Variants in SEL1L2 observed in about 807,000 individuals in gnomAD.
The protein encoded by SEL1L2 is protein sel-1 homolog 2.
A neutral mutation model predicts 98.8 loss-of-function variants in SEL1L2; 89 were observed. The observed-to-expected ratio is 0.90, with a 90% CI of 0.76 to 1.07. SEL1L2 has a LOEUF of 1.07. Among genes scored for constraint, SEL1L2 ranks in the 50% least tolerant of loss-of-function variants. The pLI is 0.00. For missense variants in SEL1L2, 788 were observed against 812.0 expected (o/e 0.97, Z 0.36); for synonymous variants, 262 against 278.5 (o/e 0.94, Z 0.59).
intron 5 of SEL1L2, among the ~76,000 whole-genome samples, chr20:13,899,561 G>A (rs2047574243): frequency 6.6e-6 from 1 of 152,174 alleles, no homozygotes; most frequent in Admixed American, 6.6e-5. Flanking sequence ...CCTGGCAGAG[G>A]GTGGAAGGGC....
chr20:13,866,474 T>C (rs1991051439), intron 15 of SEL1L2, among the ~76,000 whole-genome samples: 1 of 152,188 alleles, frequency 6.6e-6, no homozygotes, highest in Non-Finnish European at 1.5e-5. Context: ...CTGAACCTGA[T>C]GAAAAGCCAA....
At chr20:13,887,256 T>C (rs973583060) in intron 8 of SEL1L2, among the ~76,000 whole-genome samples, 10 of 152,168 alleles carry the variant, frequency 6.6e-5, no homozygotes, top group Admixed American at 6.5e-4. Context: ...TCAAAACTAG[T>C]TTTTTTCCTC....
At chr20:13,854,385 T>A (rs567117784) in intron 18 of SEL1L2, among the ~76,000 whole-genome samples, 1 of 152,346 alleles carries the variant, frequency 6.6e-6, no homozygotes, top group Admixed American at 6.5e-5. Flanking sequence ...TTGTCATATG[T>A]TTCTCGTACT....
intron 1 of SEL1L2, among the ~76,000 whole-genome samples, chr20:13,979,166 C>T (rs189347902): frequency 2.0e-4 from 31 of 152,214 alleles, no homozygotes; most frequent in African/African-American, 5.3e-4. Context: ...GAAAGACAAA[C>T]GCTGCATTTT....
chr20:13,957,361 C>T lies in SEL1L2; in HGVS notation c.59-1230G>A, dbSNP rs1268731039. Among the ~76,000 whole-genome samples, 3 of 152,336 alleles carry T rather than the reference C, an allele frequency of 2.0e-5. No homozygotes were observed. The East Asian group carries it at 5.8e-4, about 29-fold the overall frequency. On this transcript the variant is annotated intron_variant, in intron 1 of 19. Transcript: ENST00000284951. ...AGGTGATCTGCCTGCCTCAGCCTCC[C>T]AAAGTGCTGGGATTACAGGCGTGAG...
intron 1 of SEL1L2, among the ~76,000 whole-genome samples, chr20:13,964,666 G>T (rs2050957087): frequency 6.6e-6 from 1 of 151,908 alleles, no homozygotes; most frequent in Non-Finnish European, 1.5e-5. Flanking sequence ...TGGCCAGGCT[G>T]GTCTCAAGCT....
intron 1 of SEL1L2, among the ~76,000 whole-genome samples, chr20:13,966,879 C>CTTTTTTTTT (rs35292120): frequency 3.8e-5 from 4 of 104,136 alleles, no homozygotes; most frequent in Non-Finnish European, 7.2e-5. Flanking sequence ...AGAGACCTGT[C>CTTTTTTTTT]TTTTTTTTTT....
chr20:13,916,320 T>C (rs2048398281), intron 4 of SEL1L2, among the ~76,000 whole-genome samples: 1 of 152,188 alleles, frequency 6.6e-6, no homozygotes, highest in South Asian at 2.1e-4. Flanking sequence ...TATTCTCCTT[T>C]GGTCAGGAGG....
At chr20:13,927,250 G>T (rs951464362) in intron 3 of SEL1L2, among the ~76,000 whole-genome samples, 1 of 152,220 alleles carries the variant, frequency 6.6e-6, no homozygotes, top group Non-Finnish European at 1.5e-5. Context: ...TACAGAGAAT[G>T]CTAAATTTGG....
intron 5 of SEL1L2, among the ~76,000 whole-genome samples, chr20:13,910,259 T>C (rs1237215003): frequency 1.3e-5 from 2 of 152,182 alleles, no homozygotes; most frequent in Non-Finnish European, 2.9e-5. Flanking sequence ...GGGACTAAAA[T>C]TGTTACACAA....
At chr20:13,933,699 G>A (rs1004023221) in intron 2 of SEL1L2, among the ~76,000 whole-genome samples, 6 of 152,218 alleles carry the variant, frequency 3.9e-5, no homozygotes, top group Non-Finnish European at 5.9e-5. Flanking sequence ...TTCAACATGC[G>A]GATTCCAAGG....
chr20:13,986,985 A>C (rs1052270418), intron 1 of SEL1L2, among the ~76,000 whole-genome samples: 2 of 152,216 alleles, frequency 1.3e-5, no homozygotes, highest in Non-Finnish European at 2.9e-5. Flanking sequence ...GGTGCCCGCC[A>C]CAAGTCCAGC....
At chr20:13,993,146 G>T (rs1489609026), upstream of SEL1L2, among the ~76,000 whole-genome samples, 1 of 152,168 alleles carries the variant, frequency 6.6e-6, no homozygotes, top group African/African-American at 2.4e-5. Flanking sequence ...GGGCATGAAG[G>T]CCACTTAGGA....
chr20:13,985,753 G>A (rs769540088), intron 1 of SEL1L2, among the ~76,000 whole-genome samples: 2 of 152,004 alleles, frequency 1.3e-5, no homozygotes, highest in South Asian at 4.2e-4. Context: ...CACAATCACA[G>A]AACATTTTTC....
chr20:13,983,041 A>AAAAAAAAAAAAAAAAAAAAAAC (rs2051931039), intron 1 of SEL1L2, among the ~76,000 whole-genome samples: 1 of 143,056 alleles, frequency 7.0e-6, no homozygotes. Flanking sequence ...AAAAAAAAAA[A>AAAAAAAAAAAAAAAAAAAAAAC]AAAAAAAGCA....
At chr20:13,921,729 A>C (rs1173747001) in intron 3 of SEL1L2, among the ~76,000 whole-genome samples, 1 of 152,120 alleles carries the variant, frequency 6.6e-6, no homozygotes, top group Non-Finnish European at 1.5e-5. Context: ...TATTTATGGA[A>C]CCGTTTTTCA....
chr20:13,898,170 G>A (rs1389410783), intron 5 of SEL1L2, among the ~76,000 whole-genome samples: 1 of 152,304 alleles, frequency 6.6e-6, no homozygotes, highest in Non-Finnish European at 1.5e-5. Flanking sequence ...CTCTCAAAGA[G>A]TCTAGTTTCC....
At chr20:13,866,878 C>A in intron 14 of SEL1L2, 28 bp from the exon 15 acceptor site, 2 of 1,570,114 alleles carry the variant, frequency 1.3e-6, no homozygotes, top group Non-Finnish European at 1.7e-6. Context: ...TTTGAGCCAC[C>A]CCTTATTGAC....
chr20:13,937,492 C>G (rs938434154), intron 2 of SEL1L2, among the ~76,000 whole-genome samples: 1 of 152,208 alleles, frequency 6.6e-6, no homozygotes, highest in Non-Finnish European at 1.5e-5. Flanking sequence ...CTAGCAGGAA[C>G]TCCATCTCGC....
Sources: gnomAD v4.1 joint callset for allele counts (sites outside exome capture counted in the v4.1 genomes callset) on GRCh38, gnomAD v4.1.1 for gene constraint, MANE v1.5 for transcripts, NCBI Gene and HGNC (gene_info 2026-07-23, HGNC 2026-07-21) for gene names.